Variants in GRK7 observed in about 807,000 individuals in gnomAD.
GRK7 encodes rhodopsin kinase GRK7.
Under a neutral mutation model 34.1 loss-of-function variants are expected in GRK7, and 24 were observed. The ratio of observed to expected loss-of-function variants is 0.70; its 90% CI spans 0.51 to 0.99. The LOEUF (loss-of-function observed/expected upper bound fraction) is 0.99, where lower values mean the gene tolerates loss of function less well. GRK7 is among the 50% of genes least tolerant of loss of function. The probability of loss-of-function intolerance (pLI) is 0.00; values close to 1 mark genes in which losing one functional copy is unlikely to be tolerated. For synonymous variants in GRK7, 256 were observed against 279.4 expected, an observed-to-expected ratio of 0.92 and a Z score of 0.84; for missense variants, 644 against 707.3, an observed-to-expected ratio of 0.91 and a Z score of 1.02.
At position 141,780,982 on chromosome 3, in the gene GRK7, A is replaced by G. The variant is rs1480532676; in HGVS notation, c.1050+171A>G. ...AAGATGAGTGGTGTAAGAGGATTAG[A>G]TTCATTGGCTATTTGAGGGCTACTT... On this transcript the variant is annotated intron_variant, in intron 4 of 5. Transcript: ENST00000682958. Among the ~76,000 whole-genome samples, 3 of 152,094 alleles carry G rather than the reference A, an allele frequency of 2.0e-5. No individual in the cohort carries two copies. The East Asian group carries it at 5.8e-4, about 29-fold the overall frequency.
chr3:141,806,139 T>C (rs1330358403), intron 4 of GRK7, among the ~76,000 whole-genome samples: 3 of 152,234 alleles, frequency 2.0e-5, no homozygotes, highest in Admixed American at 2.0e-4. Flanking sequence ...CATCTCAATA[T>C]AGATTCCTTT....
intron 5 of GRK7, among the ~76,000 whole-genome samples, chr3:141,814,922 T>G (rs1172582276): frequency 3.1e-5 from 4 of 130,030 alleles, no homozygotes; most frequent in Non-Finnish European, 5.0e-5. Flanking sequence ...GTTGGTTGGT[T>G]TTTTTTTTTT....
In GRK7 at chr3:141,778,344, G is replaced by A. The variant is rs2084651187; in HGVS notation, c.60G>A (p.Arg20=). The A allele has an allele frequency of 1.2e-6, 2 of 1,607,186 alleles. No individual in the cohort carries two copies. The highest frequency in any genetic ancestry group is 1.7e-6 in the Non-Finnish European group (2 of 1,175,364). The change falls in exon 3 of 6, where the codon CGG becomes CGA. Residue 20 remains arginine (R), a synonymous_variant. Transcript: ENST00000682958. This position sits in a 1 kb window ranked among gnomAD's most constrained non-coding sequence, Gnocchi z 4.1. ...CCAACACCGCCTACCTGCAGGCCCG[G>A]AAGCCCTCGGACTGCGACAGCAAAG... ...LIANTAYLQA[R]KPSDCDSKEL... is the part of the protein sequence containing the mutation.
intron 4 of GRK7, among the ~76,000 whole-genome samples, chr3:141,806,578 T>A (rs892649448): frequency 6.6e-6 from 1 of 151,774 alleles, no homozygotes; most frequent in African/African-American, 2.4e-5. Flanking sequence ...TATATATATA[T>A]ATATACACAC....
Position 141,803,696 on chromosome 3 carries a change from T to A in GRK7, c.1051-3949T>A, listed in dbSNP as rs141448894. ...GCATGTTTTCAAGGTTCACGAAGCA[T>A]GTATCAGTACTTCATTCCTTTCTTC... On this transcript the variant is annotated intron_variant, in intron 4 of 5. Coordinates refer to ENST00000682958, the MANE Select transcript of GRK7 (RefSeq NM_139209.3). Among the ~76,000 whole-genome samples, 605 of 152,230 alleles carry A rather than the reference T, an allele frequency of 4.0e-3. 3 individuals are homozygous for A. Among genetic ancestry groups the A allele is most frequent in the African/African-American group, 0.014 (588 of 41,468 alleles).
At chr3:141,804,564 CACACAT>C (rs773014991) in intron 4 of GRK7, among the ~76,000 whole-genome samples, 8 of 144,406 alleles carry the variant, frequency 5.5e-5, no homozygotes, top group African/African-American at 1.4e-4. Context: ...TCACATAACA[CACACAT>C]ACACATACAC....
intron 4 of GRK7, among the ~76,000 whole-genome samples, chr3:141,806,577 A>G (rs1711038935): frequency 6.6e-6 from 1 of 151,968 alleles, no homozygotes; most frequent in South Asian, 2.1e-4. Context: ...ATATATATAT[A>G]TATATACACA....
At chr3:141,789,483 C>A (rs1214403029) in intron 4 of GRK7, among the ~76,000 whole-genome samples, 1 of 152,146 alleles carries the variant, frequency 6.6e-6, no homozygotes, top group Non-Finnish European at 1.5e-5. Flanking sequence ...CACTGGACAA[C>A]TCAGGTCACA....
chr3:141,816,247 G>C (rs958436093), intron 5 of GRK7, among the ~76,000 whole-genome samples: 1 of 152,184 alleles, frequency 6.6e-6, no homozygotes, highest in African/African-American at 2.4e-5. Context: ...GGGGAGGTAA[G>C]TGGGGCTTGT....
Position 141,817,114 on chromosome 3 carries a change from C to CCACGT in GRK7, c.*64_*65insCACGT. 3 of 1,270,196 alleles carry CCACGT rather than the reference C, an allele frequency of 2.4e-6. No individual in the cohort carries two copies. The highest frequency in any genetic ancestry group is 2.2e-6 in the Non-Finnish European group (2 of 918,590). 78.7% of individuals were successfully genotyped at this position (1,270,196 alleles called of 1,614,324 possible). A position where few individuals can be genotyped will look rare whatever the true frequency, so the allele number is the denominator to read the frequency against. On this transcript the variant is annotated 3_prime_UTR_variant, in exon 6 of 6. Transcript: ENST00000682958. The stretch of plus-strand genomic sequence containing the variant: ...TGACATAATCCTCGAATGTTCCACA[C>CCACGT]GTGGAAATCTGTGGAATGAGGGCTA...
chr3:141,799,430 T>C (rs1710927747), intron 4 of GRK7, among the ~76,000 whole-genome samples: 1 of 152,022 alleles, frequency 6.6e-6, no homozygotes, highest in Non-Finnish European at 1.5e-5. Context: ...CTAGCTAACA[T>C]GGTGAAACCC....
intron 5 of GRK7, among the ~76,000 whole-genome samples, chr3:141,810,986 AC>A (rs2107895848): frequency 6.6e-6 from 1 of 152,144 alleles, no homozygotes; most frequent in South Asian, 2.1e-4. Context: ...AGGGAACAAC[AC>A]CCACTTGGAT....
At position 141,778,851 on chromosome 3, in the gene GRK7, G is replaced by T. The variant is rs777130690; in HGVS notation, c.567G>T (p.Lys189Asn). 6.2e-7 allele frequency: 1 copy of T among 1,612,574 alleles called. No homozygotes were observed. The highest frequency in any genetic ancestry group is 8.5e-7 in the Non-Finnish European group (1 of 1,179,314). ...TCGAGATGCAACCAGTGTCAGACAA[G>T]TACTTCACTGAGTTCAGAGTGCTGG... ...KLFEMQPVSD[K>N]YFTEFRVLGK... Residue 189 changes from lysine (K) to asparagine (N), a missense_variant, in exon 3 of 6, where the codon AAG becomes AAT. Lys to Asn is a moderately conservative substitution (Grantham distance 94). Transcript: ENST00000682958. The surrounding 1 kb of genome is among the most constrained non-coding windows in gnomAD (Gnocchi z 4.1).
intron 4 of GRK7, among the ~76,000 whole-genome samples, chr3:141,798,585 G>A (rs1710917685): frequency 1.3e-5 from 2 of 152,144 alleles, no homozygotes; most frequent in South Asian, 2.1e-4. Context: ...AGACAGAGGC[G>A]CAGGGCCCTG....
Position 141,807,773 on chromosome 3 carries a change from T to C in GRK7, c.1179T>C (p.Asp393=), listed in dbSNP as rs776541822. The change falls in exon 5 of 6, where the codon GAT becomes GAC. Residue 393 remains aspartate (D), a synonymous_variant. Transcript: ENST00000682958. ...TTGCTGGACGAACACCATTCAAAGA[T>C]TACAAGGAAAAGGTCAGTAAAGAGG... The part of the protein sequence containing the change: ...EMVAGRTPFK[D]YKEKVSKEDL... The C allele has an allele frequency of 5.0e-6, 8 of 1,614,128 alleles. No individual in the cohort carries two copies. The highest frequency in any genetic ancestry group is 2.2e-5 in the East Asian group (1 of 44,880).
intron 4 of GRK7, among the ~76,000 whole-genome samples, chr3:141,796,710 C>A: frequency 6.6e-6 from 1 of 152,196 alleles, no homozygotes; most frequent in Non-Finnish European, 1.5e-5. Context: ...GGAAAGTATG[C>A]CTCAGCCTGC....
intron 1 of GRK7, among the ~76,000 whole-genome samples, chr3:141,765,940 T>C (rs1019032319): frequency 2.6e-5 from 4 of 152,184 alleles, no homozygotes; most frequent in African/African-American, 9.7e-5. Flanking sequence ...AAGAGGTGTT[T>C]AAGTGTCACC....
chr3:141,809,400 A>C (rs1711070305), intron 5 of GRK7, among the ~76,000 whole-genome samples: 1 of 152,118 alleles, frequency 6.6e-6, no homozygotes, highest in Admixed American at 6.5e-5. Flanking sequence ...GAATAAGAAA[A>C]TCAAGCTATT....
chr3:141,817,957 T>C lies in GRK7; in HGVS notation c.*907T>C, dbSNP rs1235548396. ...CACTGCTGTGCACATTTGAATGTTA[T>C]TACATTCAATCTTATTTTGGTTGCT... is the stretch of plus-strand genomic sequence containing the variant. On this transcript the variant is annotated 3_prime_UTR_variant, in exon 6 of 6. Transcript: ENST00000682958. The C allele has an allele frequency of 1.3e-5, 2 of 152,010 alleles. No homozygotes were observed. Among genetic ancestry groups the C allele is most frequent in the Non-Finnish European group, 1.5e-5 (1 of 68,000 alleles). 9.4% of individuals were successfully genotyped at this position (152,010 alleles called of 1,614,324 possible).
Sources: gnomAD v4.1 joint callset for allele counts (sites outside exome capture counted in the v4.1 genomes callset) on GRCh38, gnomAD v4.1.1 for gene constraint, Gnocchi (gnomAD v3.1) non-coding constraint, MANE v1.5 for transcripts, NCBI Gene and HGNC (gene_info 2026-07-23, HGNC 2026-07-21) for gene names.